HOXD10: variants seen among roughly 807,000 people sequenced by gnomAD.
HOXD10 encodes homeobox protein Hox-D10.
HOXD10 carries 15 observed loss-of-function variants against 27.0 expected under a neutral mutation model. That is an observed-to-expected ratio of 0.56 (90% CI 0.37 to 0.85). The LOEUF is 0.85. Ranked by LOEUF, HOXD10 falls within the 40% of genes least tolerant of loss-of-function variation. The pLI, the probability that HOXD10 is intolerant of heterozygous loss-of-function variation, is 0.00. For synonymous variants in HOXD10, 178 were observed against 160.9 expected (o/e 1.11, Z -0.80); for missense variants, 440 against 430.4 (o/e 1.02, Z -0.20).
At position 176,117,316 on chromosome 2, in the gene HOXD10, G is replaced by T; in HGVS notation, c.483G>T (p.Gly161=). Reference sequence around the variant, plus strand: ...GACTGAGTCAGACCTACGCCACCGGGAAAACCCAAGAGTACAATAATAGCC... The same window carrying T: ...GACTGAGTCAGACCTACGCCACCGGTAAAACCCAAGAGTACAATAATAGCC... ...YFRLSQTYAT[G]KTQEYNNSPE... The change falls in exon 1 of 2, where the codon GGG becomes GGT. Residue 161 remains glycine, a synonymous_variant. Transcript: ENST00000249501. 1 of 1,613,518 alleles carries T rather than the reference G, an allele frequency of 6.2e-7. No individual in the cohort carries two copies. The highest frequency in any genetic ancestry group is 1.1e-5 in the South Asian group (1 of 91,080).
intron 1 of HOXD10, among the ~76,000 whole-genome samples, chr2:176,118,579 A>G (rs1044264594): frequency 6.6e-6 from 1 of 152,186 alleles, no homozygotes; most frequent in Non-Finnish European, 1.5e-5. Flanking sequence ...CGTCCCTGTT[A>G]GGAGCTGAAC....
intron 1 of HOXD10, 46 bp from the exon 2 acceptor site, chr2:176,118,907 CA>C (rs144089581): frequency 5.2e-6 from 8 of 1,530,144 alleles, no homozygotes; most frequent in East Asian, 2.2e-5. Flanking sequence ...AACAAACAAA[CA>C]AAAAACCTCT....
intron 1 of HOXD10, among the ~76,000 whole-genome samples, chr2:176,118,446 C>G (rs931110654): frequency 6.6e-6 from 1 of 152,090 alleles, no homozygotes; most frequent in East Asian, 1.9e-4. Context: ...AGAATGGGCA[C>G]CTATAAACCT....
Position 176,119,473 on chromosome 2 carries a change from A to T in HOXD10, c.*242A>T, listed in dbSNP as rs1230762791. 5 of 157,248 alleles carry T rather than the reference A, an allele frequency of 3.2e-5. No individual in the cohort carries two copies. The East Asian group carries it at 5.4e-4, about 17-fold the overall frequency. 9.7% of individuals were successfully genotyped at this position (157,248 alleles called of 1,614,324 possible). On this transcript the variant is annotated 3_prime_UTR_variant, in exon 2 of 2. Transcript: ENST00000249501. Reference sequence around the variant, plus strand: ...TATATATATATATATATAAAAACTTAGCACGTGTAATTTATTATTTTTTCA... The same window carrying T: ...TATATATATATATATATAAAAACTTTGCACGTGTAATTTATTATTTTTTCA...
At position 176,119,361 on chromosome 2, in the gene HOXD10, T is replaced by A; in HGVS notation, c.*130T>A. On this transcript the variant is annotated 3_prime_UTR_variant, in exon 2 of 2. Coordinates refer to ENST00000249501, the MANE Select transcript of HOXD10 (RefSeq NM_002148.4). ...CCGCTCTTTGTTTGTTGTTTTGTTG[T>A]ATTTTGTTTTCCTGCTAGAATGTGA... 9.7e-7 allele frequency: 1 copy of A among 1,036,174 alleles called. No individual in the cohort carries two copies. Among genetic ancestry groups the A allele is most frequent in the Non-Finnish European group, 1.5e-6 (1 of 688,526 alleles). The allele number at this position is 1,036,174 out of a possible 1,614,324, so 64.2% of individuals were successfully genotyped here. A position where few individuals can be genotyped will look rare whatever the true frequency, so the allele number is the denominator to read the frequency against.
rs757662934 is a variant in HOXD10 at position 176,116,928 on chromosome 2, C to G, written c.95C>G (p.Ala32Gly). Reference protein sequence around the residue: ...CRSDSFYSSSASMYMPPPSAD... With the variant: ...CRSDSFYSSSGSMYMPPPSAD... Reference sequence around the variant, plus strand: ...AGTGACAGTTTTTATTCCAGCAGCGCCAGCATGTACATGCCACCACCTAGC... The same window carrying G: ...AGTGACAGTTTTTATTCCAGCAGCGGCAGCATGTACATGCCACCACCTAGC... Residue 32 changes from alanine (A) to glycine (G), a missense_variant, in exon 1 of 2, where the codon GCC (alanine) becomes GGC (glycine). By Grantham distance (60) the Ala-to-Gly change is moderately conservative (BLOSUM62 0). Coordinates refer to ENST00000249501, the MANE Select transcript of HOXD10 (RefSeq NM_002148.4). 4.3e-6 allele frequency: 7 copies of G among 1,614,112 alleles called. No individual in the cohort carries two copies. The Admixed American group carries it at 1.0e-4, about 23-fold the overall frequency.
chr2:176,118,887 CAAAAACA>C (rs1381799127), intron 1 of HOXD10, 60 bp from the exon 2 acceptor site: 8 of 1,433,376 alleles, frequency 5.6e-6, no homozygotes, highest in Middle Eastern at 2.0e-4. Flanking sequence ...AAAACAAAAA[CAAAAACA>C]AAAACAAACA....
In HOXD10 at chr2:176,117,532, T is replaced by G; in HGVS notation, c.699T>G (p.Ala233=). 3.7e-6 allele frequency: 6 copies of G among 1,613,172 alleles called. No individual in the cohort carries two copies. The highest frequency in any genetic ancestry group is 5.1e-6 in the Non-Finnish European group (6 of 1,180,022). ...GGLPEERSCL[A]EVSVSSPEVQ... is the part of the protein sequence containing the mutation. ...TTCCCGAAGAGAGGAGCTGCCTGGC[T>G]GAGGTCTCCGTGTCCAGTCCCGAAG... is the stretch of plus-strand genomic sequence containing the variant. The change falls in exon 1 of 2, where the codon GCT becomes GCG. Residue 233 remains alanine (A), a synonymous_variant. Transcript: ENST00000249501.
rs372128583 is a variant in HOXD10 at position 176,117,219 on chromosome 2, C to T, written c.386C>T (p.Pro129Leu). The T allele has an allele frequency of 3.1e-6, 5 of 1,612,312 alleles. No homozygotes were observed. The African/African-American group carries it at 6.7e-5, about 21-fold the overall frequency. The change falls in exon 1 of 2, where the codon CCT (proline) becomes CTT (leucine). Residue 129 changes from proline to leucine, a missense_variant. Coordinates refer to ENST00000249501, the MANE Select transcript of HOXD10 (RefSeq NM_002148.4). ...AACAAACTCATTTCGGCCGAGGTCC[C>T]TTCGTACCAGAGGCTGGTCCCTGAG... ...KRNKLISAEV[P>L]SYQRLVPESC...
In HOXD10 at chr2:176,119,435, G is replaced by GTA. The variant is rs6147035; in HGVS notation, c.*233_*234dup. 0.097 allele frequency: 17,253 copies of GTA among 177,882 alleles called. 1,621 individuals are homozygous for GTA. Among genetic ancestry groups the GTA allele is most frequent in the Admixed American group, 0.13 (1,858 of 13,910 alleles). 11.0% of individuals were successfully genotyped at this position (177,882 alleles called of 1,614,324 possible). On this transcript the variant is annotated 3_prime_UTR_variant, in exon 2 of 2. Coordinates refer to ENST00000249501, the MANE Select transcript of HOXD10 (RefSeq NM_002148.4). ...TGCAAGTGATCTGTAATCCCTATGA[G>GTA]TATATATATATATATATATATATAT...
intron 1 of HOXD10, among the ~76,000 whole-genome samples, 198 bp downstream of exon 1, chr2:176,117,776 C>A (rs1429029831): frequency 6.6e-6 from 1 of 152,238 alleles, no homozygotes. Flanking sequence ...CCAGTCCTGG[C>A]CCCACGCTGA....
rs773340507 is a variant in HOXD10, at chr2:176,117,351, G to C, written c.518G>C (p.Ser173Thr). 12 of 1,613,528 alleles carry C rather than the reference G, an allele frequency of 7.4e-6. No homozygotes were observed. The highest frequency in any genetic ancestry group is 2.7e-5 in the African/African-American group (2 of 74,922). Residue 173 changes from serine to threonine, a missense_variant, in exon 1 of 2, where the codon AGC (serine) becomes ACC (threonine). Transcript: ENST00000249501. ...TQEYNNSPEG[S>T]STVMLQLNPR... ...GAGTACAATAATAGCCCCGAAGGCAGCTCCACTGTCATGCTCCAGCTCAAC... is the reference window on the plus strand; with the variant it reads ...GAGTACAATAATAGCCCCGAAGGCACCTCCACTGTCATGCTCCAGCTCAAC...
chr2:176,119,464 TAA>T lies in HOXD10; in HGVS notation c.*237_*238del, dbSNP rs1553518835. ...ATATATATATATATATATATATATATAAAAACTTAGCACGTGTAATTTATTAT... is the reference window on the plus strand; with the variant it reads ...ATATATATATATATATATATATATATAAACTTAGCACGTGTAATTTATTAT... On this transcript the variant is annotated 3_prime_UTR_variant, in exon 2 of 2. Coordinates refer to ENST00000249501, the MANE Select transcript of HOXD10 (RefSeq NM_002148.4). 2.7e-5 allele frequency: 4 copies of T among 145,758 alleles called. No homozygotes were observed. The highest frequency in any genetic ancestry group is 2.2e-4 in the South Asian group (1 of 4,524). The allele number at this position is 145,758 out of a possible 1,614,324, so 9.0% of individuals were successfully genotyped here.
Position 176,119,125 on chromosome 2 carries a change from C to G in HOXD10, c.917C>G (p.Thr306Ser). Residue 306 changes from threonine (T) to serine (S), a missense_variant, in exon 2 of 2, where the codon ACC becomes AGC. Physicochemically the swap from Thr to Ser is moderately conservative, Grantham distance 58. Coordinates refer to ENST00000249501, the MANE Select transcript of HOXD10 (RefSeq NM_002148.4). ...RLEISKSVNL[T>S]DRQVKIWFQN... ...GAGATCAGTAAGAGCGTTAACCTCACCGACAGGCAGGTCAAGATTTGGTTT... is the reference window on the plus strand; with the variant it reads ...GAGATCAGTAAGAGCGTTAACCTCAGCGACAGGCAGGTCAAGATTTGGTTT... 6.2e-7 allele frequency: 1 copy of G among 1,614,046 alleles called. No homozygotes were observed. The highest frequency in any genetic ancestry group is 8.5e-7 in the Non-Finnish European group (1 of 1,179,978).
At position 176,117,306 on chromosome 2, in the gene HOXD10, ACGCCAC is replaced by A. The variant is rs1559117633; in HGVS notation, c.476_481del (p.Ala159_Thr160del). ...GGATATTTTAGACTGAGTCAGACCT[ACGCCAC>A]CGGGAAAACCCAAGAGTACAATAAT... On this transcript the variant is annotated inframe_deletion, in exon 1 of 2. Transcript: ENST00000249501. 1.9e-6 allele frequency: 3 copies of A among 1,613,304 alleles called. No homozygotes were observed. The highest frequency in any genetic ancestry group is 3.3e-5 in the Admixed American group (2 of 59,998).
rs1553518837 is a variant in HOXD10 at position 176,119,435 on chromosome 2, G to GCA, written c.*204_*205insCA. 4 of 178,050 alleles carry GCA rather than the reference G, an allele frequency of 2.2e-5. No homozygotes were observed. Among genetic ancestry groups the GCA allele is most frequent in the Non-Finnish European group, 4.2e-5 (4 of 95,700 alleles). The allele number at this position is 178,050 out of a possible 1,614,324, so 11.0% of individuals were successfully genotyped here. A position where few individuals can be genotyped will look rare whatever the true frequency, so the allele number is the denominator to read the frequency against. ...TGCAAGTGATCTGTAATCCCTATGA[G>GCA]TATATATATATATATATATATATAT... On this transcript the variant is annotated 3_prime_UTR_variant, in exon 2 of 2. Coordinates refer to ENST00000249501, the MANE Select transcript of HOXD10 (RefSeq NM_002148.4).
chr2:176,118,532 G>T (rs1689802008), intron 1 of HOXD10, among the ~76,000 whole-genome samples: 1 of 152,208 alleles, frequency 6.6e-6, no homozygotes, highest in African/African-American at 2.4e-5. Flanking sequence ...CAGCAGTGGG[G>T]TTGGTAGGCT....
chr2:176,118,455 C>T (rs769420609), intron 1 of HOXD10, among the ~76,000 whole-genome samples: 1 of 150,566 alleles, frequency 6.6e-6, no homozygotes, highest in Non-Finnish European at 1.5e-5. Flanking sequence ...ACCTATAAAC[C>T]TGACTGTCAG....
chr2:176,119,094 C>T lies in HOXD10; in HGVS notation c.886C>T (p.Arg296Cys), dbSNP rs1689819543. Residue 296 changes from arginine (R) to cysteine (C), a missense_variant, in exon 2 of 2, where the codon CGC becomes TGC. Physicochemically the swap from Arg to Cys is radical, Grantham distance 180. Coordinates refer to ENST00000249501, the MANE Select transcript of HOXD10 (RefSeq NM_002148.4). ...LFNMYLTRERRLEISKSVNLT... is the reference protein window; with the variant it reads ...LFNMYLTRERCLEISKSVNLT... ...CAATATGTACCTCACCCGCGAGCGC[C>T]GCCTAGAGATCAGTAAGAGCGTTAA... 6.2e-7 allele frequency: 1 copy of T among 1,613,998 alleles called. No individual in the cohort carries two copies. Among genetic ancestry groups the T allele is most frequent in the African/African-American group, 1.3e-5 (1 of 74,972 alleles).
Sources: allele counts gnomAD v4.1 joint callset (sites outside exome capture counted in the v4.1 genomes callset), GRCh38; gene constraint gnomAD v4.1.1; transcripts MANE v1.5; gene names NCBI Gene and HGNC (gene_info 2026-07-23, HGNC 2026-07-21).